The following ITGAE variants were observed in gnomAD, a reference collection of about 807,000 sequenced individuals.
ITGAE encodes integrin alpha-E.
A neutral mutation model predicts 136.5 loss-of-function variants in ITGAE; 99 were observed. The ratio of observed to expected loss-of-function variants is 0.73; its 90% CI spans 0.62 to 0.86. The LOEUF (loss-of-function observed/expected upper bound fraction) is 0.86, where lower values mean the gene tolerates loss of function less well. Ranked by LOEUF, ITGAE falls within the 40% of genes least tolerant of loss-of-function variation. The probability of loss-of-function intolerance (pLI) is 0.00; values close to 1 mark genes in which losing one functional copy is unlikely to be tolerated. For missense variants in ITGAE, 1,447 were observed against 1,515.3 expected (o/e 0.95, Z 0.75); for synonymous variants, 613 against 591.8 (o/e 1.04, Z -0.52).
intron 1 of ITGAE, among the ~76,000 whole-genome samples, chr17:3,800,520 G>A (rs1162234662): frequency 6.6e-6 from 1 of 152,114 alleles, no homozygotes; most frequent in Non-Finnish European, 1.5e-5. Flanking sequence ...GGCTTCCATG[G>A]GACAGTTAAA....
chr17:3,743,982 C>T (rs1314894844), intron 18 of ITGAE, among the ~76,000 whole-genome samples: 5 of 150,398 alleles, frequency 3.3e-5, no homozygotes, highest in Non-Finnish European at 7.4e-5. Context: ...GGATTATAGG[C>T]GTAAGCCACC....
intron 27 of ITGAE, 43 bp from the exon 28 acceptor site, chr17:3,723,426 G>T (rs751421865): frequency 1.4e-6 from 2 of 1,402,470 alleles, no homozygotes; most frequent in African/African-American, 1.4e-5. Flanking sequence ...TTTCCGTGCG[G>T]AAAGTCTGAA....
Position 3,744,448 on chromosome 17 carries a change from T to TCTC in ITGAE, c.2320-832_2320-831insGAG, listed in dbSNP as rs1567526865. On this transcript the variant is annotated intron_variant, in intron 18 of 30. Transcript: ENST00000263087. ...CCTGGGTTTATCAAGTTCTTTCTCT[T>TCTC]TTTTTTTTTTTTTTTTGAGATGGAG... Among the ~76,000 whole-genome samples, 748 of 26,686 alleles carry TCTC rather than the reference T, an allele frequency of 0.028. 9 individuals are homozygous for TCTC. In the African/African-American group the frequency reaches 0.28, roughly 10 times the overall value. 17.5% of individuals were successfully genotyped at this position (26,686 alleles called of 152,430 possible).
intron 6 of ITGAE, 141 bp from the exon 7 acceptor site, chr17:3,760,428 AGCTT>A: frequency 2.1e-5 from 2 of 93,964 alleles, no homozygotes; most frequent in Non-Finnish European, 4.3e-5. Context: ...CCAAGAGGGA[AGCTT>A]TTTTTTTTTT....
At position 3,757,723 on chromosome 17, in the gene ITGAE, C is replaced by T. The variant is rs2052063193; in HGVS notation, c.1003G>A (p.Glu335Lys). ...GCTCTTACCCCAATGGCAAAGCGCT[C>T]AACACCCTGCATTTTGGGGGAGTTG... The part of the protein sequence containing the change: ...VINSPKMQGV[E>K]RFAIGVGEEF... Residue 335 changes from glutamate to lysine, a missense_variant, in exon 9 of 31, where the codon GAG becomes AAG. Transcript: ENST00000263087. 1.2e-6 allele frequency: 2 copies of T among 1,614,148 alleles called. No individual in the cohort carries two copies. Among genetic ancestry groups the T allele is most frequent in the Non-Finnish European group, 1.7e-6 (2 of 1,180,020 alleles).
At chr17:3,730,184 G>A (rs80136041) in intron 23 of ITGAE, among the ~76,000 whole-genome samples, 39,386 of 151,826 alleles carry the variant, frequency 0.26, 6,307 homozygotes, top group South Asian at 0.52. Flanking sequence ...GGCTGGGCGC[G>A]GTGGCTCATG....
chr17:3,782,550 T>G (rs139256223), intron 1 of ITGAE, among the ~76,000 whole-genome samples: 2,020 of 151,954 alleles, frequency 0.013, 49 homozygotes, highest in African/African-American at 0.046. Flanking sequence ...GTATTTTTAG[T>G]AGAGATAGGT....
intron 21 of ITGAE, among the ~76,000 whole-genome samples, chr17:3,734,175 A>G (rs1232141271): frequency 2.0e-5 from 3 of 152,148 alleles, no homozygotes; most frequent in Non-Finnish European, 2.9e-5. Context: ...GGTTCACGCC[A>G]TTCTCCTGCC....
At chr17:3,744,964 A>G (rs994271857) in intron 18 of ITGAE, among the ~76,000 whole-genome samples, 2 of 152,216 alleles carry the variant, frequency 1.3e-5, no homozygotes, top group Non-Finnish European at 2.9e-5. Context: ...CTTTAATCCA[A>G]TTAACAATCA....
chr17:3,752,371 G>A (rs1346010807), intron 14 of ITGAE, among the ~76,000 whole-genome samples: 3 of 152,180 alleles, frequency 2.0e-5, no homozygotes, highest in Non-Finnish European at 2.9e-5. Context: ...TTCCTCACCC[G>A]TAAGATGAGA....
intron 20 of ITGAE, among the ~76,000 whole-genome samples, chr17:3,739,325 C>T (rs1597318418): frequency 6.6e-6 from 1 of 152,346 alleles, no homozygotes; most frequent in South Asian, 2.1e-4. Flanking sequence ...CCTAAGAGCA[C>T]CAGGAGGGCA....
rs2053185344 is a variant in ITGAE at position 3,798,912 on chromosome 17, C to T, written c.34+2199G>A. Reference sequence around the variant, plus strand: ...CAGGGTTTCAGTGTCTGTCTGCACCCAATGCTTCTAAAATCTCCCTTAGAC... The same window carrying T: ...CAGGGTTTCAGTGTCTGTCTGCACCTAATGCTTCTAAAATCTCCCTTAGAC... On this transcript the variant is annotated intron_variant, in intron 1 of 30. Transcript: ENST00000263087. The surrounding 1 kb of genome is among the most constrained non-coding windows in gnomAD (Gnocchi z 4.3). Among the ~76,000 whole-genome samples, 1 of 152,132 alleles carries T rather than the reference C, an allele frequency of 6.6e-6. No individual in the cohort carries two copies. The highest frequency in any genetic ancestry group is 6.5e-5 in the Admixed American group (1 of 15,272).
At chr17:3,720,492 A>T (rs1280140564) in intron 28 of ITGAE, 90 bp from the exon 29 acceptor site, 2 of 676,744 alleles carry the variant, frequency 3.0e-6, no homozygotes, top group Non-Finnish European at 5.4e-6. Context: ...CTTTCCCTTT[A>T]AAGGTATTCC....
chr17:3,797,155 ATATTTTTTTTT>A (rs1307972228), intron 1 of ITGAE, among the ~76,000 whole-genome samples: 10 of 24,052 alleles, frequency 4.2e-4, no homozygotes, highest in South Asian at 1.2e-3. Flanking sequence ...ATATATATAT[ATATTTTTTTTT>A]TTTTTTTTTT....
At chr17:3,732,040 C>G (rs904888594) in intron 22 of ITGAE, among the ~76,000 whole-genome samples, 1 of 151,912 alleles carries the variant, frequency 6.6e-6, no homozygotes, top group Non-Finnish European at 1.5e-5. Flanking sequence ...TGTGCCACTG[C>G]ACTCCAGCCT....
intron 27 of ITGAE, 127 bp downstream of exon 27, chr17:3,723,561 T>C (rs2051105528): frequency 2.7e-6 from 3 of 1,109,794 alleles, no homozygotes; most frequent in Non-Finnish European, 2.6e-6. Context: ...GGGACGAAGC[T>C]AGGGAGGGCC....
intron 1 of ITGAE, among the ~76,000 whole-genome samples, chr17:3,781,508 G>A (rs1035173653): frequency 2.6e-5 from 4 of 152,038 alleles, no homozygotes; most frequent in East Asian, 1.9e-4. Flanking sequence ...ACAGGCACCC[G>A]CCATCATGCC....
At chr17:3,789,858 T>C (rs920777437) in intron 1 of ITGAE, among the ~76,000 whole-genome samples, 7 of 152,010 alleles carry the variant, frequency 4.6e-5, no homozygotes, top group African/African-American at 1.7e-4. Flanking sequence ...GAAAAACGTC[T>C]TTTTTATGGA....
chr17:3,741,097 A>C (rs1327081669), intron 19 of ITGAE, among the ~76,000 whole-genome samples: 2 of 39,944 alleles, frequency 5.0e-5, no homozygotes, highest in Admixed American at 7.0e-4. Flanking sequence ...TTTTTTTTTG[A>C]GACGGAGTCT....
Sources: gnomAD v4.1 joint callset for allele counts (sites outside exome capture counted in the v4.1 genomes callset) on GRCh38, gnomAD v4.1.1 for gene constraint, Gnocchi (gnomAD v3.1) non-coding constraint, MANE v1.5 for transcripts, NCBI Gene and HGNC (gene_info 2026-07-23, HGNC 2026-07-21) for gene names.